Variants in GRIP1 observed in about 807,000 individuals in gnomAD.
The protein encoded by GRIP1 is glutamate receptor-interacting protein 1.
In GRIP1, 45 loss-of-function variants were observed where a neutral mutation model predicts 129.9. The ratio of observed to expected loss-of-function variants is 0.35; its 90% CI spans 0.27 to 0.44. The LOEUF (loss-of-function observed/expected upper bound fraction) is 0.44, where lower values mean the gene tolerates loss of function less well. GRIP1 is among the 20% of genes least tolerant of loss of function. GRIP1 has a pLI of 1.00. For synonymous variants in GRIP1, 530 were observed against 520.8 expected (o/e 1.02, Z -0.24); for missense variants, 1,196 against 1,396.8 (o/e 0.86, Z 2.29).
chr12:66,857,694 C>T (rs1432182023), intron 1 of GRIP1, among the ~76,000 whole-genome samples: 2 of 151,898 alleles, frequency 1.3e-5, no homozygotes, highest in Non-Finnish European at 1.5e-5. Flanking sequence ...AATGTGGTTC[C>T]TGACTTCAAG....
At chr12:66,871,583 G>A (rs1238335648) in intron 1 of GRIP1, among the ~76,000 whole-genome samples, 1 of 152,056 alleles carries the variant, frequency 6.6e-6, no homozygotes. Flanking sequence ...CTCAATAAAT[G>A]TTGGTATCAT....
At chr12:66,752,763 C>T (rs184069445) in intron 1 of GRIP1, among the ~76,000 whole-genome samples, 1 of 152,144 alleles carries the variant, frequency 6.6e-6, no homozygotes, top group African/African-American at 2.4e-5. Flanking sequence ...TTGTGCTTCA[C>T]TGTCTAGGGA....
chr12:67,021,002 A>G (rs1363712070), intron 1 of GRIP1, among the ~76,000 whole-genome samples: 1 of 151,984 alleles, frequency 6.6e-6, no homozygotes, highest in East Asian at 2.0e-4. Context: ...GGGAGCTGAA[A>G]GAGGAAGATT....
At chr12:66,478,561 G>A (rs10878433) in intron 7 of GRIP1, among the ~76,000 whole-genome samples, 52,742 of 151,962 alleles carry the variant, frequency 0.35, 9,627 homozygotes, top group Non-Finnish European at 0.41. Flanking sequence ...TCATGCTGCT[G>A]TAAAGACACA....
chr12:66,567,920 G>A (rs1248043008), intron 2 of GRIP1: 2 of 166,734 alleles, frequency 1.2e-5, no homozygotes, highest in Admixed American at 6.3e-5. Flanking sequence ...TGGGGAATGT[G>A]AGGATGTAAT....
chr12:66,714,462 C>A lies in GRIP1; in HGVS notation c.-419-84126G>T, dbSNP rs2035806238. Among the ~76,000 whole-genome samples, 5 of 151,984 alleles carry A rather than the reference C, an allele frequency of 3.3e-5. No homozygotes were observed. In the South Asian group the frequency reaches 1.0e-3, roughly 32 times the overall value. On this transcript the variant is annotated intron_variant, in intron 1 of 4. Coordinates refer to the GRIP1 transcript ENST00000538373. ...TTTAAGTCTTTCACTTTCTATTCTG[C>A]TACTATAAAAGTTTGTGCCAGAATC...
At chr12:66,595,505 T>C (rs1035408365) in intron 2 of GRIP1, among the ~76,000 whole-genome samples, 2 of 152,210 alleles carry the variant, frequency 1.3e-5, no homozygotes, top group Admixed American at 6.5e-5. Flanking sequence ...CCAGTGAATG[T>C]AGGGTAGCCA....
intron 1 of GRIP1, among the ~76,000 whole-genome samples, chr12:67,056,289 G>C (rs1023425963): frequency 1.3e-5 from 2 of 152,178 alleles, no homozygotes; most frequent in Non-Finnish European, 1.5e-5. Flanking sequence ...TAGCTATGAA[G>C]ACTCAAAGCT....
At chr12:66,693,937 C>A (rs1490548461) in intron 1 of GRIP1, among the ~76,000 whole-genome samples, 1 of 152,122 alleles carries the variant, frequency 6.6e-6, no homozygotes, top group Non-Finnish European at 1.5e-5. Context: ...TAACAAAACA[C>A]CACACCAACT....
intron 1 of GRIP1, among the ~76,000 whole-genome samples, chr12:67,050,213 A>C (rs1390663761): frequency 6.6e-6 from 1 of 152,154 alleles, no homozygotes; most frequent in Non-Finnish European, 1.5e-5. Context: ...AGAAATATTA[A>C]ATCTTCACGC....
upstream of GRIP1, among the ~76,000 whole-genome samples, chr12:66,808,566 G>T (rs1260954842): frequency 1.3e-5 from 2 of 151,904 alleles, no homozygotes; most frequent in Non-Finnish European, 2.9e-5. Flanking sequence ...CAAAGTGCTG[G>T]GATTAAAAGC....
intron 1 of GRIP1, among the ~76,000 whole-genome samples, chr12:66,847,960 T>G (rs538251003): frequency 1.3e-5 from 2 of 152,328 alleles, no homozygotes; most frequent in South Asian, 4.1e-4. Context: ...CAGCAAGTGA[T>G]TTTGATTCTT....
chr12:66,889,083 T>C (rs2040612898), intron 1 of GRIP1, among the ~76,000 whole-genome samples: 1 of 152,240 alleles, frequency 6.6e-6, no homozygotes, highest in South Asian at 2.1e-4. Context: ...AGTCTCAAAC[T>C]TATTTTTCCT....
chr12:66,580,653 G>A (rs1322675178), intron 2 of GRIP1, among the ~76,000 whole-genome samples: 1 of 147,966 alleles, frequency 6.8e-6, no homozygotes, highest in Non-Finnish European at 1.5e-5. Context: ...GATCAAAAGA[G>A]ACAAAGAAGG....
At chr12:66,829,717 A>G (rs1185007733) in intron 1 of GRIP1, among the ~76,000 whole-genome samples, 1 of 152,154 alleles carries the variant, frequency 6.6e-6, no homozygotes, top group African/African-American at 2.4e-5. Context: ...TTCCCAAACC[A>G]TTTGATCCTT....
At chr12:66,798,558 T>C (rs2038767033) in intron 1 of GRIP1, among the ~76,000 whole-genome samples, 1 of 152,190 alleles carries the variant, frequency 6.6e-6, no homozygotes, top group South Asian at 2.1e-4. Flanking sequence ...TGGATGTCCA[T>C]ATAGCTGGGA....
chr12:66,523,126 C>T (rs1162815288), intron 5 of GRIP1, among the ~76,000 whole-genome samples: 3 of 151,500 alleles, frequency 2.0e-5, no homozygotes, highest in East Asian at 3.9e-4. Flanking sequence ...TCCAGGAGAA[C>T]TTCCCCAATC....
chr12:66,746,684 C>A (rs1490193571), intron 1 of GRIP1, among the ~76,000 whole-genome samples: 1 of 152,150 alleles, frequency 6.6e-6, no homozygotes, highest in East Asian at 1.9e-4. Flanking sequence ...TTCCCTATGA[C>A]TGAGCTTAAT....
chr12:66,397,823 T>C (rs1362613981), intron 16 of GRIP1, among the ~76,000 whole-genome samples: 1 of 152,244 alleles, frequency 6.6e-6, no homozygotes, highest in Non-Finnish European at 1.5e-5. Context: ...CACTGGATGA[T>C]GCATGGTGAT....
Sources: gnomAD v4.1 joint callset for allele counts (sites outside exome capture counted in the v4.1 genomes callset) on GRCh38, gnomAD v4.1.1 for gene constraint, MANE v1.5 for transcripts, NCBI Gene and HGNC (gene_info 2026-07-23, HGNC 2026-07-21) for gene names.